The following DTWD2 variants were observed in gnomAD, a reference collection of about 807,000 sequenced individuals.
DTWD2 encodes the protein tRNA-uridine aminocarboxypropyltransferase 2.
A neutral mutation model predicts 31.8 loss-of-function variants in DTWD2; 39 were observed. That is an observed-to-expected ratio of 1.22 (90% confidence interval 0.95 to 1.60). The LOEUF is 1.60. Among genes scored for constraint, DTWD2 ranks in the 40% most tolerant of loss-of-function variants. The pLI is 0.00. For synonymous variants in DTWD2, 180 were observed against 142.8 expected, an observed-to-expected ratio of 1.26 and a Z score of -1.86; for missense variants, 515 against 381.5, an observed-to-expected ratio of 1.35 and a Z score of -2.92.
At chr5:118,950,200 G>T (rs1163481611) in intron 1 of DTWD2, among the ~76,000 whole-genome samples, 1 of 122,574 alleles carries the variant, frequency 8.2e-6, no homozygotes, top group Non-Finnish European at 1.6e-5. Flanking sequence ...GTGACAGAGT[G>T]AGACTCCATC....
rs775440434 is a variant in DTWD2, at chr5:118,974,576, C to A, written c.218+13718G>T. 8.0e-6 allele frequency: 4 copies of A among 502,284 alleles called. No homozygotes were observed. In the East Asian group the frequency reaches 2.2e-4, roughly 27 times the overall value. The allele number at this position is 502,284 out of a possible 1,614,324, so 31.1% of individuals were successfully genotyped here. A position where few individuals can be genotyped will look rare whatever the true frequency, so the allele number is the denominator to read the frequency against. On this transcript the variant is annotated intron_variant, in intron 1 of 5. Coordinates refer to ENST00000510708, the MANE Select transcript of DTWD2 (RefSeq NM_173666.4). ...CTTGTAAAAAAAGCAAAAATGACAACAGAAAAACAATCTTATTCCGAGCAT... is the reference window on the plus strand; with the variant it reads ...CTTGTAAAAAAAGCAAAAATGACAAAAGAAAAACAATCTTATTCCGAGCAT...
At chr5:118,891,990 T>C (rs942917848) in intron 4 of DTWD2, among the ~76,000 whole-genome samples, 4 of 152,198 alleles carry the variant, frequency 2.6e-5, no homozygotes, top group Non-Finnish European at 5.9e-5. Flanking sequence ...CTAACAGCCA[T>C]ATTTAAAGGA....
At chr5:118,910,059 C>T (rs1753423506) in intron 4 of DTWD2, among the ~76,000 whole-genome samples, 1 of 152,192 alleles carries the variant, frequency 6.6e-6, no homozygotes, top group Non-Finnish European at 1.5e-5. Flanking sequence ...TACCAATCTC[C>T]TTATAACATG....
chr5:118,943,482 T>C (rs554355567), intron 2 of DTWD2, among the ~76,000 whole-genome samples: 1 of 146,468 alleles, frequency 6.8e-6, no homozygotes, highest in Non-Finnish European at 1.5e-5. Context: ...ACCTGGAAGG[T>C]GGAGCTTGCA....
chr5:118,890,873 T>A (rs6860946), intron 4 of DTWD2, among the ~76,000 whole-genome samples: 34,331 of 151,956 alleles, frequency 0.23, 6,372 homozygotes, highest in African/African-American at 0.51. Context: ...CCAGCCCAAA[T>A]GTGTGTTTTA....
In DTWD2 at chr5:118,939,259, A is replaced by C; in HGVS notation, c.341T>G (p.Leu114Arg). 1 of 1,600,790 alleles carries C rather than the reference A, an allele frequency of 6.2e-7. No individual in the cohort carries two copies. Among genetic ancestry groups the C allele is most frequent in the Non-Finnish European group, 8.5e-7 (1 of 1,173,188 alleles). Residue 114 changes from leucine to arginine, a missense_variant, in exon 3 of 6, where the codon CTA becomes CGA. Coordinates refer to ENST00000510708, the MANE Select transcript of DTWD2 (RefSeq NM_173666.4). ...ENKVLRTVPL[L>R]AACLPQDKCK... ...CTTGTCCTGGGGGAGGCATGCTGCT[A>C]GTAGAGGAACTGTACGCAACACTTT...
At chr5:118,851,092 C>CA (rs1751991197) in intron 4 of DTWD2, among the ~76,000 whole-genome samples, 1 of 151,420 alleles carries the variant, frequency 6.6e-6, no homozygotes, top group Non-Finnish European at 1.5e-5. Flanking sequence ...ACTAAAAATA[C>CA]AAAAATTAGC....
chr5:118,879,578 C>G (rs973535919), intron 4 of DTWD2, among the ~76,000 whole-genome samples: 1 of 149,012 alleles, frequency 6.7e-6, no homozygotes, highest in African/African-American at 2.5e-5. Context: ...CCACTACACT[C>G]CAGCCTGGGC....
At chr5:118,845,819 G>A (rs961280884) in intron 5 of DTWD2, among the ~76,000 whole-genome samples, 2 of 152,164 alleles carry the variant, frequency 1.3e-5, no homozygotes, top group Non-Finnish European at 2.9e-5. Context: ...TATTTTGCAA[G>A]TCTCAAGTTG....
rs1751694357 is a variant in DTWD2, at chr5:118,840,823, G to T, written c.*94C>A. 3.0e-6 allele frequency: 4 copies of T among 1,322,326 alleles called. No individual in the cohort carries two copies. The highest frequency in any genetic ancestry group is 1.5e-5 in the African/African-American group (1 of 66,190). The allele number at this position is 1,322,326 out of a possible 1,614,324, so 81.9% of individuals were successfully genotyped here. On this transcript the variant is annotated 3_prime_UTR_variant, in exon 6 of 6. Coordinates refer to ENST00000510708, the MANE Select transcript of DTWD2 (RefSeq NM_173666.4). ...ATTAGTATGCAATTCTCCTTCTTTA[G>T]CAAGTCAAAAACCTACAGACCTTAA... is the stretch of plus-strand genomic sequence containing the variant.
chr5:118,885,456 C>CAAG (rs1342218135), intron 4 of DTWD2, among the ~76,000 whole-genome samples: 52 of 57,516 alleles, frequency 9.0e-4, no homozygotes, highest in African/African-American at 3.6e-3. Flanking sequence ...GACTCCACCT[C>CAAG]AAAAAAAAAA....
chr5:118,875,076 G>C (rs1561436493), intron 4 of DTWD2, among the ~76,000 whole-genome samples: 1 of 152,104 alleles, frequency 6.6e-6, no homozygotes, highest in Non-Finnish European at 1.5e-5. Flanking sequence ...TTAAAGAAAA[G>C]AAATCCAACC....
At chr5:118,922,274 C>G (rs759260110) in intron 4 of DTWD2, among the ~76,000 whole-genome samples, 2 of 152,170 alleles carry the variant, frequency 1.3e-5, no homozygotes, top group Non-Finnish European at 2.9e-5. Flanking sequence ...AGTTCACATA[C>G]GGCTAGTTAC....
intron 4 of DTWD2, among the ~76,000 whole-genome samples, chr5:118,884,078 T>C (rs1752801946): frequency 6.6e-6 from 1 of 152,194 alleles, no homozygotes; most frequent in Admixed American, 6.5e-5. Context: ...AAAAGAAACA[T>C]GAAGACTATG....
At chr5:118,984,747 T>C (rs917890727) in intron 1 of DTWD2, among the ~76,000 whole-genome samples, 30 of 152,206 alleles carry the variant, frequency 2.0e-4, no homozygotes, top group Admixed American at 1.3e-4. Context: ...CATGCTGTTT[T>C]TAGACATTAT....
At chr5:118,965,522 T>C (rs1042873283) in intron 1 of DTWD2, among the ~76,000 whole-genome samples, 1 of 152,230 alleles carries the variant, frequency 6.6e-6, no homozygotes, top group African/African-American at 2.4e-5. Flanking sequence ...ATCAGATTGT[T>C]GCTGTGTCTG....
At chr5:118,976,615 A>G (rs1292620289) in intron 1 of DTWD2, among the ~76,000 whole-genome samples, 1 of 152,210 alleles carries the variant, frequency 6.6e-6, no homozygotes, top group Non-Finnish European at 1.5e-5. Context: ...TCCTGGACAT[A>G]TACACCCTCC....
intron 1 of DTWD2, among the ~76,000 whole-genome samples, chr5:118,966,559 A>G (rs542446955): frequency 6.6e-4 from 101 of 152,334 alleles, no homozygotes; most frequent in Non-Finnish European, 1.2e-3. Context: ...TTAGTTGATG[A>G]TATGCTATAA....
chr5:118,897,830 T>C (rs922598667), intron 4 of DTWD2, among the ~76,000 whole-genome samples: 44 of 152,204 alleles, frequency 2.9e-4, no homozygotes, highest in African/African-American at 9.7e-4. Flanking sequence ...CAGGTACCAC[T>C]GCATATGACC....
Sources: allele counts gnomAD v4.1 joint callset (sites outside exome capture counted in the v4.1 genomes callset), GRCh38; gene constraint gnomAD v4.1.1; transcripts MANE v1.5; gene names NCBI Gene and HGNC (gene_info 2026-07-23, HGNC 2026-07-21).